The following NF2 variants were observed in gnomAD, a reference collection of about 807,000 sequenced individuals.
NF2 encodes merlin.
Under a neutral mutation model 83.7 loss-of-function variants are expected in NF2, and 8 were observed. That is an observed-to-expected ratio of 0.10 (90% confidence interval 0.06 to 0.17). The LOEUF is 0.17. Among genes scored for constraint, NF2 ranks in the 10% least tolerant of loss-of-function variants. NF2 has a pLI of 1.00. For synonymous variants in NF2, 266 were observed against 269.6 expected (o/e 0.99, Z 0.13); for missense variants, 533 against 744.4 (o/e 0.72, Z 3.31).
At position 29,681,568 on chromosome 22, in the gene NF2, G is replaced by A; in HGVS notation, c.1704G>A (p.Arg568=). The A allele has an allele frequency of 6.2e-7, 1 of 1,614,138 alleles. No homozygotes were observed. The highest frequency in any genetic ancestry group is 8.5e-7 in the Non-Finnish European group (1 of 1,180,010). Residue 568 remains arginine (R), a synonymous_variant, in exon 15 of 16, where the codon AGG becomes AGA. Coordinates refer to ENST00000338641, the MANE Select transcript of NF2 (RefSeq NM_000268.4). ...LDILHNENSD[R]GGSSKHNTIK... ...TTCTGCACAATGAGAACTCCGACAGGGGTGGCAGCAGCAAGCACAATACCA... is the reference window on the plus strand; with the variant it reads ...TTCTGCACAATGAGAACTCCGACAGAGGTGGCAGCAGCAAGCACAATACCA...
Position 29,696,027 on chromosome 22 carries a change from C to T in NF2, c.*1225C>T, listed in dbSNP as rs932684764. ...ACAGAGGGCCACAGAACCACCCCCA[C>T]GGCTCACTCCTTGGTCTGGGGCCAC... On this transcript the variant is annotated 3_prime_UTR_variant, in exon 16 of 16. Transcript: ENST00000338641. 23 of 232,706 alleles carry T rather than the reference C, an allele frequency of 9.9e-5. No individual in the cohort carries two copies. The highest frequency in any genetic ancestry group is 1.8e-4 in the South Asian group (1 of 5,508). 14.4% of individuals were successfully genotyped at this position (232,706 alleles called of 1,614,324 possible).
intron 1 of NF2, among the ~76,000 whole-genome samples, chr22:29,626,504 T>C (rs971935513): frequency 6.6e-6 from 1 of 152,176 alleles, no homozygotes; most frequent in Admixed American, 6.5e-5. Context: ...TACCTTCTAA[T>C]GTTATTAAAG....
At chr22:29,676,990 G>A (rs1158864782) in intron 13 of NF2, among the ~76,000 whole-genome samples, 1 of 152,142 alleles carries the variant, frequency 6.6e-6, no homozygotes, top group East Asian at 1.9e-4. Flanking sequence ...GGCACCCAAG[G>A]AGCCTTCTCT....
chr22:29,655,580 C>T lies in NF2; in HGVS notation c.517-14C>T, dbSNP rs753117553. 1 of 1,603,228 alleles carries T rather than the reference C, an allele frequency of 6.2e-7. No individual in the cohort carries two copies. The highest frequency in any genetic ancestry group is 1.1e-5 in the South Asian group (1 of 90,770). ...TCATGTGTAGGTTTTTTATTTTGCT[C>T]TATTTTTTGGTAGGTAATAAATCTG... On this transcript the variant is annotated splice_polypyrimidine_tract_variant and intron_variant, in intron 5 of 15. Transcript: ENST00000338641.
intron 11 of NF2, among the ~76,000 whole-genome samples, chr22:29,672,990 A>G (rs2066848522): frequency 6.6e-6 from 1 of 152,194 alleles, no homozygotes; most frequent in Admixed American, 6.5e-5. Context: ...GAAAGAACAG[A>G]GTTTAAGTTG....
intron 4 of NF2, among the ~76,000 whole-genome samples, chr22:29,649,460 G>A (rs2066080007): frequency 6.6e-6 from 1 of 152,190 alleles, no homozygotes; most frequent in Non-Finnish European, 1.5e-5. Context: ...CAACTCTCAG[G>A]GAGGCAAGAG....
At position 29,624,799 on chromosome 22, in the gene NF2, C is replaced by CTCTTTCTTTCTT. The variant is rs57743070; in HGVS notation, c.115-11892_115-11881dup. Reference sequence around the variant, plus strand: ...TATGCCATGTTCTTGTTGAAGGGTCCTCTTTCTTTCTTTCTTTCTTTCTTT... The same window carrying CTCTTTCTTTCTT: ...TATGCCATGTTCTTGTTGAAGGGTCCTCTTTCTTTCTTTCTTTCTTTCTTTCTTTCTTTCTTT... On this transcript the variant is annotated intron_variant, in intron 1 of 15. Transcript: ENST00000338641. Among the ~76,000 whole-genome samples the CTCTTTCTTTCTT allele has an allele frequency of 3.8e-4, 44 of 116,732 alleles. 1 individual carries two copies. Among genetic ancestry groups the CTCTTTCTTTCTT allele is most frequent in the Middle Eastern group, 4.1e-3 (1 of 242 alleles). The allele number at this position is 116,732 out of a possible 152,430, so 76.6% of individuals were successfully genotyped here. A position where few individuals can be genotyped will look rare whatever the true frequency, so the allele number is the denominator to read the frequency against.
rs1485143510 is a variant in NF2, at chr22:29,696,985, T to C, written c.*2183T>C. 1.6e-5 allele frequency: 3 copies of C among 182,282 alleles called. No homozygotes were observed. The East Asian group carries it at 2.7e-4, about 16-fold the overall frequency. 11.3% of individuals were successfully genotyped at this position (182,282 alleles called of 1,614,324 possible). A position where few individuals can be genotyped will look rare whatever the true frequency, so the allele number is the denominator to read the frequency against. On this transcript the variant is annotated 3_prime_UTR_variant, in exon 16 of 16. Transcript: ENST00000338641. ...GCGTGTGCCACCATGCCTGGCTAATTTTTGTATTTTTAGTAGAGATGGGGT... is the reference window on the plus strand; with the variant it reads ...GCGTGTGCCACCATGCCTGGCTAATCTTTGTATTTTTAGTAGAGATGGGGT...
At position 29,636,352 on chromosome 22, in the gene NF2, AT is replaced by A. The variant is rs1374412766; in HGVS notation, c.115-396del. 1.3e-5 allele frequency among the ~76,000 whole-genome samples: 2 copies of A among 152,212 alleles called. No homozygotes were observed. The highest frequency in any genetic ancestry group is 2.9e-5 in the Non-Finnish European group (2 of 68,044). ...CCTTTTATCAAAGGGCAAAGTAATG[AT>A]TTAAAAAAAAAATCAACAACAAAAT... On this transcript the variant is annotated intron_variant, in intron 1 of 15. Transcript: ENST00000338641. The surrounding 1 kb of genome is among the most constrained non-coding windows in gnomAD (Gnocchi z 4.4).
rs1601666203 is a variant in NF2 at position 29,681,524 on chromosome 22, A to G, written c.1660A>G (p.Arg554Gly). Residue 554 changes from arginine (R) to glycine (G), a missense_variant, in exon 15 of 16, where the codon AGG becomes GGG. This residue lies in a region of NF2 where 199 missense variants were observed against 240.7 expected (regional missense o/e 0.83). Transcript: ENST00000338641. Reference protein sequence around the residue: ...TEIEALKLKERETALDILHNE... With the variant: ...TEIEALKLKEGETALDILHNE... ...AATCGAGGCCTTGAAACTGAAAGAG[A>G]GGGAGACAGCTCTGGATATTCTGCA... 5 of 1,614,206 alleles carry G rather than the reference A, an allele frequency of 3.1e-6. No individual in the cohort carries two copies. Among genetic ancestry groups the G allele is most frequent in the Non-Finnish European group, 4.2e-6 (5 of 1,180,032 alleles).
At chr22:29,635,539 A>G (rs558342754) in intron 1 of NF2, among the ~76,000 whole-genome samples, 1 of 152,210 alleles carries the variant, frequency 6.6e-6, no homozygotes, top group Non-Finnish European at 1.5e-5. Context: ...CATGTTGGCC[A>G]GGATGGTCTC....
intron 1 of NF2, among the ~76,000 whole-genome samples, chr22:29,622,879 C>T (rs564227619): frequency 1.3e-5 from 2 of 150,892 alleles, no homozygotes; most frequent in Admixed American, 1.3e-4. Context: ...CGGTCTCGAT[C>T]TCCTGACCTT....
chr22:29,607,045 A>G (rs533985028), intron 1 of NF2, among the ~76,000 whole-genome samples: 24 of 152,310 alleles, frequency 1.6e-4, no homozygotes, highest in Middle Eastern at 6.8e-3. Context: ...CTGTCCTGTC[A>G]CAAAACAAAA....
At chr22:29,639,301 T>A in intron 3 of NF2, 89 bp downstream of exon 3, 1 of 1,508,338 alleles carries the variant, frequency 6.6e-7, no homozygotes, top group South Asian at 1.1e-5. Flanking sequence ...ACAAACACCT[T>A]TGTATTGCAA....
intron 1 of NF2, among the ~76,000 whole-genome samples, chr22:29,612,018 T>G (rs887441027): frequency 6.6e-6 from 1 of 152,106 alleles, no homozygotes; most frequent in African/African-American, 2.4e-5. Flanking sequence ...TTTAAATTAA[T>G]TTTTTTTGAA....
intron 15 of NF2, among the ~76,000 whole-genome samples, chr22:29,682,811 A>G (rs1471991846): frequency 6.6e-6 from 1 of 152,018 alleles, no homozygotes; most frequent in Non-Finnish European, 1.5e-5. Context: ...CAGTCTCACC[A>G]TTTCCACTGC....
intron 1 of NF2, among the ~76,000 whole-genome samples, chr22:29,627,926 T>C (rs182211003): frequency 3.9e-5 from 6 of 152,348 alleles, no homozygotes; most frequent in Admixed American, 3.9e-4. Context: ...GGGTAAAATA[T>C]ATACCTTAAG....
chr22:29,631,306 A>AC (rs970493384), intron 1 of NF2, among the ~76,000 whole-genome samples: 7 of 151,448 alleles, frequency 4.6e-5, no homozygotes, highest in African/African-American at 7.3e-5. Flanking sequence ...CAGCTCAACT[A>AC]CCCCCCTGGC....
intron 1 of NF2, 85 bp downstream of exon 1, chr22:29,604,197 G>A: frequency 8.8e-7 from 1 of 1,133,766 alleles, no homozygotes; most frequent in South Asian, 1.3e-5. Flanking sequence ...TATGGGTGTA[G>A]CTAGAGACGG....
Sources: allele counts gnomAD v4.1 joint callset (sites outside exome capture counted in the v4.1 genomes callset), GRCh38; gene constraint gnomAD v4.1.1; regional missense constraint gnomAD v4.1.1; non-coding constraint Gnocchi (gnomAD v3.1); transcripts MANE v1.5; gene names NCBI Gene and HGNC (gene_info 2026-07-23, HGNC 2026-07-21).